Variants in MGAT4C observed in about 807,000 individuals in gnomAD.
The protein encoded by MGAT4C is MGAT4 family member C, also known as alpha-1,3-mannosyl-glycoprotein 4-beta-N-acetylglucosaminyltransferase C.
In MGAT4C, 19 loss-of-function variants were observed where a neutral mutation model predicts 40.1. That is an observed-to-expected ratio of 0.47 (90% CI 0.33 to 0.70). The LOEUF (loss-of-function observed/expected upper bound fraction) is 0.70, where lower values mean the gene tolerates loss of function less well. Among genes scored for constraint, MGAT4C ranks in the 30% least tolerant of loss-of-function variants. The pLI is 0.02. For missense variants in MGAT4C, 491 were observed against 563.2 expected (o/e 0.87, Z 1.30); for synonymous variants, 181 against 187.1 (o/e 0.97, Z 0.27).
At chr12:86,401,597 C>T (rs912212314) in intron 3 of MGAT4C, among the ~76,000 whole-genome samples, 1 of 151,826 alleles carries the variant, frequency 6.6e-6, no homozygotes, top group African/African-American at 2.4e-5. Flanking sequence ...CACTTTTTTT[C>T]CTATAAGTTC....
intron 3 of MGAT4C, among the ~76,000 whole-genome samples, chr12:86,358,708 C>G (rs1955376965): frequency 6.6e-6 from 1 of 152,222 alleles, no homozygotes; most frequent in South Asian, 2.1e-4. Context: ...TTTAAACCAA[C>G]AAAGACCAAA....
At chr12:86,527,177 T>C (rs981192609) in intron 2 of MGAT4C, among the ~76,000 whole-genome samples, 2 of 152,230 alleles carry the variant, frequency 1.3e-5, no homozygotes, top group Non-Finnish European at 2.9e-5. Context: ...TTTAATTTGA[T>C]TTTTGTACAT....
chr12:86,581,882 A>G (rs1435196713), intron 2 of MGAT4C, among the ~76,000 whole-genome samples: 1 of 151,428 alleles, frequency 6.6e-6, no homozygotes, highest in Non-Finnish European at 1.5e-5. Context: ...AACTATGCTC[A>G]CCTTTTATGA....
At chr12:86,705,897 A>G (rs1950447376) in intron 2 of MGAT4C, among the ~76,000 whole-genome samples, 1 of 152,202 alleles carries the variant, frequency 6.6e-6, no homozygotes, top group Non-Finnish European at 1.5e-5. Context: ...GTCATGTAAC[A>G]CAATCTAGAA....
chr12:86,611,463 T>C (rs1962273785), intron 2 of MGAT4C, among the ~76,000 whole-genome samples: 1 of 147,138 alleles, frequency 6.8e-6, no homozygotes, highest in South Asian at 2.2e-4. Flanking sequence ...AGATGATAGA[T>C]AGATAGATAG....
chr12:86,327,392 CACTCAAAGTG>C (rs1954552825), intron 4 of MGAT4C, among the ~76,000 whole-genome samples: 2 of 151,998 alleles, frequency 1.3e-5, no homozygotes, highest in South Asian at 4.1e-4. Context: ...CTCAAACTTT[CACTCAAAGTG>C]AGTGCCTCAC....
At chr12:86,401,240 G>T (rs1043745784) in intron 3 of MGAT4C, among the ~76,000 whole-genome samples, 3 of 150,634 alleles carry the variant, frequency 2.0e-5, no homozygotes, top group Non-Finnish European at 4.4e-5. Flanking sequence ...CCATACTAAA[G>T]TTGTAGATAA....
rs892563056 is a variant in MGAT4C, at chr12:86,423,010, C to T, written c.-120+12147G>A. Reference sequence around the variant, plus strand: ...TAGAATGGGCAGAAAGTAATCTGCACGAACATCAGAATAATATGGGCTTTT... The same window carrying T: ...TAGAATGGGCAGAAAGTAATCTGCATGAACATCAGAATAATATGGGCTTTT... On this transcript the variant is annotated intron_variant, in intron 3 of 7. Coordinates refer to the MGAT4C transcript ENST00000548651. Among the ~76,000 whole-genome samples, 9 of 151,982 alleles carry T rather than the reference C, an allele frequency of 5.9e-5. 1 individual carries two copies. Among genetic ancestry groups the T allele is most frequent in the Admixed American group, 3.3e-4 (5 of 15,248 alleles).
intron 1 of MGAT4C, among the ~76,000 whole-genome samples, chr12:86,053,973 C>G (rs914366536): frequency 6.6e-6 from 1 of 151,820 alleles, no homozygotes; most frequent in African/African-American, 2.4e-5. Context: ...AAAAAGGAAA[C>G]CCCGTGTACA....
At chr12:86,102,526 C>A (rs1161687400) in intron 1 of MGAT4C, among the ~76,000 whole-genome samples, 2 of 151,928 alleles carry the variant, frequency 1.3e-5, no homozygotes, top group South Asian at 4.1e-4. Flanking sequence ...TGGCACTAAG[C>A]TAATAAGTTC....
chr12:86,557,044 G>A (rs1959645632), intron 2 of MGAT4C, among the ~76,000 whole-genome samples: 1 of 152,080 alleles, frequency 6.6e-6, no homozygotes, highest in Non-Finnish European at 1.5e-5. Flanking sequence ...TCAGTTTTGA[G>A]AGATTCAGTA....
Position 86,049,683 on chromosome 12 carries a change from G to A in MGAT4C, c.-16C>T. 1.0e-6 allele frequency: 1 copy of A among 983,948 alleles called. No homozygotes were observed. The highest frequency in any genetic ancestry group is 1.2e-6 in the Non-Finnish European group (1 of 828,378). 61.0% of individuals were successfully genotyped at this position (983,948 alleles called of 1,614,324 possible). Reference sequence around the variant, plus strand: ...TGACATAGAATCTCACCTTAAGAAAGACGCTGTCATAATCTGTGCTGTACA... The same window carrying A: ...TGACATAGAATCTCACCTTAAGAAAAACGCTGTCATAATCTGTGCTGTACA... On this transcript the variant is annotated 5_prime_UTR_variant, in exon 2 of 5. Coordinates refer to ENST00000611864, the MANE Select transcript of MGAT4C (RefSeq NM_001351288.2).
intron 2 of MGAT4C, among the ~76,000 whole-genome samples, chr12:86,042,878 A>G (rs1892010075): frequency 1.3e-5 from 2 of 151,500 alleles, no homozygotes; most frequent in African/African-American, 2.4e-5. Flanking sequence ...AAAAAAAAAA[A>G]AAAAAAAAAA....
At chr12:86,454,332 A>C (rs1019463197) in intron 2 of MGAT4C, among the ~76,000 whole-genome samples, 1 of 152,024 alleles carries the variant, frequency 6.6e-6, no homozygotes, top group African/African-American at 2.4e-5. Context: ...GGTTCAAGCA[A>C]TTCTCCCACC....
intron 2 of MGAT4C, among the ~76,000 whole-genome samples, chr12:86,035,017 C>A (rs549955227): frequency 2.0e-5 from 3 of 149,794 alleles, no homozygotes; most frequent in Admixed American, 1.3e-4. Context: ...TTTGCTATTG[C>A]GAACAGTCCC....
chr12:86,628,415 G>A (rs577635632), intron 2 of MGAT4C, among the ~76,000 whole-genome samples: 10 of 152,038 alleles, frequency 6.6e-5, no homozygotes, highest in Admixed American at 3.3e-4. Flanking sequence ...GATACTCCTC[G>A]AGAAGAGCAA....
chr12:86,402,226 C>T (rs1162286384), intron 3 of MGAT4C, among the ~76,000 whole-genome samples: 1 of 151,844 alleles, frequency 6.6e-6, no homozygotes, highest in African/African-American at 2.4e-5. Flanking sequence ...AGGCGGATCC[C>T]TTGAGGTCAG....
chr12:85,979,800 A>G lies in MGAT4C; in HGVS notation c.926T>C (p.Phe309Ser), dbSNP rs2136681785. The G allele has an allele frequency of 6.2e-7, 1 of 1,613,752 alleles. No homozygotes were observed. The highest frequency in any genetic ancestry group is 8.5e-7 in the Non-Finnish European group (1 of 1,179,822). ...KNVIRFKPSL[F>S]QHMGYYSSYK... ...TGATGAATAATAGCCCATGTGCTGA[A>G]AGAGAGATGGTTTAAAACGGATCAC... The change falls in exon 5 of 5, where the codon TTT (phenylalanine) becomes TCT (serine). Residue 309 changes from phenylalanine to serine, a missense_variant. Transcript: ENST00000611864.
At chr12:86,665,471 G>A (rs1964081717) in intron 2 of MGAT4C, among the ~76,000 whole-genome samples, 1 of 151,938 alleles carries the variant, frequency 6.6e-6, no homozygotes, top group Non-Finnish European at 1.5e-5. Context: ...CCGCTTCCTG[G>A]GTTCAGGGCA....
Sources: allele counts gnomAD v4.1 joint callset (sites outside exome capture counted in the v4.1 genomes callset), GRCh38; gene constraint gnomAD v4.1.1; transcripts MANE v1.5; gene names NCBI Gene and HGNC (gene_info 2026-07-23, HGNC 2026-07-21).